The following ANO6 variants were observed in gnomAD, a reference collection of about 807,000 sequenced individuals.
The protein encoded by ANO6 is anoctamin-6.
Under a neutral mutation model 117.5 loss-of-function variants are expected in ANO6, and 106 were observed. The observed-to-expected ratio is 0.90, with a 90% confidence interval of 0.77 to 1.06. ANO6 has a LOEUF of 1.06. ANO6 is among the 50% of genes least tolerant of loss of function. The probability of loss-of-function intolerance (pLI) is 0.00; values close to 1 mark genes in which losing one functional copy is unlikely to be tolerated. For synonymous variants in ANO6, 367 were observed against 385.1 expected (o/e 0.95, Z 0.55); for missense variants, 955 against 1,121.1 (o/e 0.85, Z 2.12).
chr12:45,255,146 A>G (rs1356812953), intron 1 of ANO6, among the ~76,000 whole-genome samples: 1 of 152,188 alleles, frequency 6.6e-6, no homozygotes, highest in East Asian at 1.9e-4. Flanking sequence ...TCTATCATTC[A>G]TTTATAATCT....
Position 45,301,896 on chromosome 12 carries a change from T to C in ANO6, c.71-118T>C, listed in dbSNP as rs1457629572. ...TGATAGCTGAAAGGGTTAAATAATATAAACCTGTCAATGTGCTACCAATGT... is the reference window on the plus strand; with the variant it reads ...TGATAGCTGAAAGGGTTAAATAATACAAACCTGTCAATGTGCTACCAATGT... On this transcript the variant is annotated intron_variant, in intron 1 of 19. Transcript: ENST00000320560. The C allele has an allele frequency of 3.6e-6, 3 of 837,436 alleles. No individual in the cohort carries two copies. In the East Asian group the frequency reaches 7.6e-5, roughly 21 times the overall value. 51.9% of individuals were successfully genotyped at this position (837,436 alleles called of 1,614,324 possible).
rs77451105 is a variant in ANO6 at position 45,233,684 on chromosome 12, G to A, written c.70+17293G>A. On this transcript the variant is annotated intron_variant, in intron 1 of 19. Coordinates refer to ENST00000320560, the MANE Select transcript of ANO6 (RefSeq NM_001025356.3). ...TATTTTACATATAGTAAAATGTACT[G>A]TTAACTGTTTAAGTTATGACAGTTG... Among the ~76,000 whole-genome samples the A allele has an allele frequency of 9.5e-3, 1,442 of 152,206 alleles. 25 individuals are homozygous for A. Among genetic ancestry groups the A allele is most frequent in the African/African-American group, 0.033 (1,357 of 41,520 alleles).
In ANO6 at chr12:45,416,786, G is replaced by C; in HGVS notation, c.2099G>C (p.Arg700Thr). 1 of 1,614,118 alleles carries C rather than the reference G, an allele frequency of 6.2e-7. No homozygotes were observed. Among genetic ancestry groups the C allele is most frequent in the Non-Finnish European group, 8.5e-7 (1 of 1,180,020 alleles). Residue 700 changes from arginine to threonine, a missense_variant, in exon 17 of 20, where the codon AGA becomes ACA. Arg to Thr is a moderately conservative substitution (Grantham distance 71). Transcript: ENST00000320560. ...CTCGTGAACAATATATTGGAAATAA[G>C]AGTGGACGCATGGAAACTGACCACC... ...LALVNNILEI[R>T]VDAWKLTTQF...
intron 8 of ANO6, among the ~76,000 whole-genome samples, chr12:45,363,543 A>C (rs560868764): frequency 6.6e-6 from 1 of 151,556 alleles, no homozygotes; most frequent in South Asian, 2.1e-4. Context: ...CAGCCTGGGC[A>C]ACAGAGTGAG....
In ANO6 at chr12:45,348,505, G is replaced by C; in HGVS notation, c.634-13G>C. 1.2e-6 allele frequency: 2 copies of C among 1,604,412 alleles called. No homozygotes were observed. The highest frequency in any genetic ancestry group is 2.2e-5 in the South Asian group (2 of 90,884). ...CTATATAAACCGCATACTCTATTTT[G>C]GAATCTTTTTAGGTTTACTTCATCC... On this transcript the variant is annotated splice_polypyrimidine_tract_variant and intron_variant, in intron 5 of 19. Transcript: ENST00000320560.
chr12:45,392,178 CCAG>C (rs1476612903), intron 12 of ANO6, among the ~76,000 whole-genome samples: 2 of 152,236 alleles, frequency 1.3e-5, no homozygotes, highest in Non-Finnish European at 2.9e-5. Context: ...GTCTTAGCAA[CCAG>C]CAGACAAAGT....
At position 45,343,727 on chromosome 12, in the gene ANO6, C is replaced by T. The variant is rs74792487; in HGVS notation, c.280-3295C>T. Among the ~76,000 whole-genome samples the T allele has an allele frequency of 9.2e-3, 1,399 of 152,216 alleles. 26 individuals are homozygous for T. The highest frequency in any genetic ancestry group is 0.032 in the African/African-American group (1,318 of 41,532). On this transcript the variant is annotated intron_variant, in intron 3 of 19. Transcript: ENST00000320560. ...AAGGTTAGAGATAGGCAGCCAGAAG[C>T]AGTACCTTAAATCCTGCCACAGGAG...
At chr12:45,295,288 C>A (rs1443827095) in intron 1 of ANO6, among the ~76,000 whole-genome samples, 1 of 152,162 alleles carries the variant, frequency 6.6e-6, no homozygotes, top group Admixed American at 6.5e-5. Context: ...CAACCTCTTG[C>A]TAATATAGGA....
intron 1 of ANO6, among the ~76,000 whole-genome samples, chr12:45,235,810 A>G (rs1339375444): frequency 2.0e-5 from 3 of 152,182 alleles, no homozygotes; most frequent in Non-Finnish European, 2.9e-5. Flanking sequence ...CACTGACGGC[A>G]TTCCTGAACT....
At chr12:45,314,662 G>A (rs1243619884) in intron 2 of ANO6, among the ~76,000 whole-genome samples, 1 of 151,872 alleles carries the variant, frequency 6.6e-6, no homozygotes, top group Non-Finnish European at 1.5e-5. Context: ...ACTGAAATCT[G>A]TGCCAGAATC....
intron 9 of ANO6, among the ~76,000 whole-genome samples, chr12:45,372,116 G>A (rs1941859096): frequency 6.6e-6 from 1 of 152,120 alleles, no homozygotes; most frequent in Non-Finnish European, 1.5e-5. Flanking sequence ...TATCAGCAAT[G>A]GAAGATGAAA....
At chr12:45,352,788 G>T (rs1941315275) in intron 7 of ANO6, among the ~76,000 whole-genome samples, 1 of 150,490 alleles carries the variant, frequency 6.6e-6, no homozygotes, top group African/African-American at 2.4e-5. Flanking sequence ...TTCCCTTATT[G>T]TCCCCAAAAA....
At chr12:45,401,668 G>A (rs921421022) in intron 12 of ANO6, 127 bp from the exon 13 acceptor site, 45 of 798,406 alleles carry the variant, frequency 5.6e-5, no homozygotes, top group Admixed American at 2.0e-4. Flanking sequence ...TTCTACCACC[G>A]CTGGTATCAC....
At chr12:45,302,259 G>T (rs1939519326) in intron 2 of ANO6, among the ~76,000 whole-genome samples, 166 bp downstream of exon 2, 2 of 152,266 alleles carry the variant, frequency 1.3e-5, no homozygotes, top group South Asian at 4.1e-4. Flanking sequence ...CTTGGGAATA[G>T]GTTGCTGAAC....
At chr12:45,293,453 T>A (rs1007005796) in intron 1 of ANO6, among the ~76,000 whole-genome samples, 1 of 152,182 alleles carries the variant, frequency 6.6e-6, no homozygotes, top group Admixed American at 6.5e-5. Flanking sequence ...ATGTGATAAT[T>A]TTGAATTCTG....
chr12:45,280,896 A>AGC (rs1471559438), intron 1 of ANO6, among the ~76,000 whole-genome samples: 1 of 151,800 alleles, frequency 6.6e-6, no homozygotes, highest in Non-Finnish European at 1.5e-5. Context: ...AGAGAGAGAG[A>AGC]ATATATGTAT....
At chr12:45,394,068 A>G (rs1020064514) in intron 12 of ANO6, among the ~76,000 whole-genome samples, 2 of 152,336 alleles carry the variant, frequency 1.3e-5, no homozygotes, top group East Asian at 3.9e-4. Context: ...ATAAAGAGTC[A>G]AGACCCATCA....
intron 2 of ANO6, among the ~76,000 whole-genome samples, chr12:45,316,768 C>CAT (rs1565684282): frequency 6.6e-6 from 1 of 151,150 alleles, no homozygotes; most frequent in East Asian, 2.0e-4. Flanking sequence ...AAATATATGA[C>CAT]ATATATATGT....
At chr12:45,375,967 G>T (rs1463902294) in intron 9 of ANO6, among the ~76,000 whole-genome samples, 1 of 148,948 alleles carries the variant, frequency 6.7e-6, no homozygotes, top group Non-Finnish European at 1.5e-5. Context: ...CTGACAAAGG[G>T]CTAATATCCA....
Sources: gnomAD v4.1 joint callset for allele counts (sites outside exome capture counted in the v4.1 genomes callset) on GRCh38, gnomAD v4.1.1 for gene constraint, MANE v1.5 for transcripts, NCBI Gene and HGNC (gene_info 2026-07-23, HGNC 2026-07-21) for gene names.